The following SARS1 variants were observed in gnomAD, a reference collection of about 807,000 sequenced individuals.
The protein encoded by SARS1 is seryl-tRNA synthetase 1.
Under a neutral mutation model 63.7 loss-of-function variants are expected in SARS1, and 25 were observed. The ratio of observed to expected loss-of-function variants is 0.39; its 90% confidence interval spans 0.29 to 0.55. The LOEUF is 0.55. SARS1 is among the 20% of genes least tolerant of loss of function. SARS1 has a pLI of 0.62. For missense variants in SARS1, 417 were observed against 649.7 expected, an observed-to-expected ratio of 0.64 and a Z score of 3.89; for synonymous variants, 231 against 243.5, an observed-to-expected ratio of 0.95 and a Z score of 0.48.
In SARS1 at chr1:109,235,991, G is replaced by A. The variant is rs1180935746; in HGVS notation, c.984G>A (p.Val328=). ...CCTCTCTGCAGATTGAACAGTTTGTGTACTCATCACCCCATGACAACAAGT... is the reference window on the plus strand; with the variant it reads ...CCTCTCTGCAGATTGAACAGTTTGTATACTCATCACCCCATGACAACAAGT... ...VHQFEKIEQF[V]YSSPHDNKSW... Residue 328 remains valine (V), a synonymous_variant, in exon 8 of 11, where the codon GTG becomes GTA. Coordinates refer to ENST00000234677, the MANE Select transcript of SARS1 (RefSeq NM_006513.4). This position sits in a 1 kb window ranked among gnomAD's most constrained non-coding sequence, Gnocchi z 4.7. 6.2e-7 allele frequency: 1 copy of A among 1,611,020 alleles called. No individual in the cohort carries two copies. The highest frequency in any genetic ancestry group is 1.3e-5 in the African/African-American group (1 of 74,880).
Position 109,236,894 on chromosome 1 carries a change from T to C in SARS1, c.1257+346T>C, listed in dbSNP as rs759126238. On this transcript the variant is annotated intron_variant, in intron 9 of 10. Coordinates refer to ENST00000234677, the MANE Select transcript of SARS1 (RefSeq NM_006513.4). The stretch of plus-strand genomic sequence containing the variant: ...AGGTCTGGGTTGTAAGCTGCTCTCT[T>C]CAAACCCAATTTTCAGGCCCTACTC... 4.4e-6 allele frequency: 7 copies of C among 1,579,250 alleles called. No individual in the cohort carries two copies. The East Asian group carries it at 1.6e-4, about 36-fold the overall frequency.
intron 1 of SARS1, among the ~76,000 whole-genome samples, chr1:109,218,406 CTT>C (rs34756917): frequency 5.1e-5 from 6 of 118,660 alleles, no homozygotes; most frequent in Non-Finnish European, 6.6e-5. Context: ...AGATATTTTA[CTT>C]TTTTTTTTTT....
At position 109,223,941 on chromosome 1, in the gene SARS1, C is replaced by T. The variant is rs201306186; in HGVS notation, c.137-37C>T. ...GAGAAAGGAGTATCTTAATTATGGGCATTTCTTTGGTATAGTCTTGGATTC... is the reference window on the plus strand; with the variant it reads ...GAGAAAGGAGTATCTTAATTATGGGTATTTCTTTGGTATAGTCTTGGATTC... On this transcript the variant is annotated intron_variant, in intron 1 of 10. Transcript: ENST00000234677. 2.7e-3 allele frequency: 3,962 copies of T among 1,463,244 alleles called. 13 individuals are homozygous for T. Among genetic ancestry groups the T allele is most frequent in the Non-Finnish European group, 3.3e-3 (3,447 of 1,042,570 alleles). 90.6% of individuals were successfully genotyped at this position (1,463,244 alleles called of 1,614,324 possible).
chr1:109,230,864 C>G lies in SARS1; in HGVS notation c.448-14C>G. The G allele has an allele frequency of 6.3e-7, 1 of 1,593,390 alleles. No individual in the cohort carries two copies. Among genetic ancestry groups the G allele is most frequent in the Non-Finnish European group, 8.6e-7 (1 of 1,168,226 alleles). On this transcript the variant is annotated splice_polypyrimidine_tract_variant and intron_variant, in intron 4 of 10. Coordinates refer to ENST00000234677, the MANE Select transcript of SARS1 (RefSeq NM_006513.4). ...ATATGTCTTGTATGTCTCTTTCTTG[C>G]TCTGTTTCCTTAGGATGTGGACAAC...
chr1:109,228,211 A>G, intron 2 of SARS1, 141 bp from the exon 3 acceptor site: 1 of 627,834 alleles, frequency 1.6e-6, no homozygotes. Context: ...TTTTTTTCCT[A>G]CATGTTGTAT....
intron 2 of SARS1, among the ~76,000 whole-genome samples, chr1:109,227,397 G>A (rs1186463870): frequency 6.6e-6 from 1 of 152,136 alleles, no homozygotes; most frequent in South Asian, 2.1e-4. Flanking sequence ...ATTATCATAC[G>A]GAAGGATGAG....
At chr1:109,228,520 C>A (rs1655139723) in intron 3 of SARS1, 88 bp downstream of exon 3, 3 of 855,400 alleles carry the variant, frequency 3.5e-6, no homozygotes, top group Non-Finnish European at 1.9e-6. Context: ...CTCTGCTCCA[C>A]ACAGCATTGT....
chr1:109,220,011 TC>T lies in SARS1; in HGVS notation c.137-3966del, dbSNP rs1654895039. Among the ~76,000 whole-genome samples, 5 of 152,256 alleles carry T rather than the reference TC, an allele frequency of 3.3e-5. No individual in the cohort carries two copies. The East Asian group carries it at 7.7e-4, about 23-fold the overall frequency. On this transcript the variant is annotated intron_variant, in intron 1 of 10. Coordinates refer to ENST00000234677, the MANE Select transcript of SARS1 (RefSeq NM_006513.4). ...GCATTATGAATAAGCTTCTAGAGAC[TC>T]TTTTTTAAAAAATGTTTGATTGGCA...
At chr1:109,231,877 C>T (rs1389848693) in intron 6 of SARS1, 91 bp downstream of exon 6, 1 of 1,126,804 alleles carries the variant, frequency 8.9e-7, no homozygotes, top group Non-Finnish European at 1.2e-6. Context: ...ATAGGACTTT[C>T]TGCGATGATG....
At position 109,220,375 on chromosome 1, in the gene SARS1, G is replaced by T. The variant is rs543661893; in HGVS notation, c.137-3603G>T. Among the ~76,000 whole-genome samples the T allele has an allele frequency of 3.9e-5, 6 of 152,196 alleles. No homozygotes were observed. The South Asian group carries it at 1.2e-3, about 32-fold the overall frequency. ...TTCCAGTTGCTTGGCATTCTTGCCA[G>T]TACTTGACATTGGCAGTCCTTTTAA... is the stretch of plus-strand genomic sequence containing the variant. On this transcript the variant is annotated intron_variant, in intron 1 of 10. Coordinates refer to ENST00000234677, the MANE Select transcript of SARS1 (RefSeq NM_006513.4).
At chr1:109,218,634 C>T (rs1416239410) in intron 1 of SARS1, among the ~76,000 whole-genome samples, 1 of 152,146 alleles carries the variant, frequency 6.6e-6, no homozygotes, top group Non-Finnish European at 1.5e-5. Context: ...CCACTTCCCA[C>T]ATAGGGCCTC....
At position 109,235,659 on chromosome 1, in the gene SARS1, A is replaced by C. The variant is rs1389339364; in HGVS notation, c.969+228A>C. Among the ~76,000 whole-genome samples the C allele has an allele frequency of 6.6e-6, 1 of 152,154 alleles. No homozygotes were observed. The highest frequency in any genetic ancestry group is 1.9e-4 in the East Asian group (1 of 5,190). On this transcript the variant is annotated intron_variant, in intron 7 of 10. Transcript: ENST00000234677. This position sits in a 1 kb window ranked among gnomAD's most constrained non-coding sequence, Gnocchi z 4.7. ...CTGTGTAACATTGGGCATAATGCAT[A>C]AGCCCCCAGTGCTCCATTTCTGCCT...
At chr1:109,219,660 C>A (rs1227618698) in intron 1 of SARS1, among the ~76,000 whole-genome samples, 1 of 151,866 alleles carries the variant, frequency 6.6e-6, no homozygotes, top group Non-Finnish European at 1.5e-5. Context: ...TGACAGGCAC[C>A]CACCACCATG....
chr1:109,233,797 A>G (rs1028394274), intron 6 of SARS1, among the ~76,000 whole-genome samples: 1 of 150,718 alleles, frequency 6.6e-6, no homozygotes, highest in Non-Finnish European at 1.5e-5. Flanking sequence ...CCTGGGTTCA[A>G]GTGATTCTCA....
At chr1:109,224,099 G>T in intron 2 of SARS1, 51 bp downstream of exon 2, 3 of 1,338,208 alleles carry the variant, frequency 2.2e-6, no homozygotes, top group Non-Finnish European at 3.2e-6. Flanking sequence ...GGAGATATTT[G>T]ATCTTGCTCT....
chr1:109,236,977 T>C (rs1655324383), intron 9 of SARS1: 1 of 1,405,308 alleles, frequency 7.1e-7, no homozygotes, highest in Admixed American at 3.6e-5. Context: ...AGTAGTTTCT[T>C]CCTTCCCTCA....
chr1:109,217,524 G>A (rs1654819228), intron 1 of SARS1, among the ~76,000 whole-genome samples: 1 of 149,766 alleles, frequency 6.7e-6, no homozygotes, highest in Non-Finnish European at 1.5e-5. Flanking sequence ...ACCTAGTCTT[G>A]TATACCCAAA....
Position 109,213,986 on chromosome 1 carries a change from AAAG to A in SARS1, c.-2_1del. ...CTTCCCTGAGCGTTGGCCCGGGAGG[AAAG>A]AAGATGGTGCTGGATCTGGATTTGT... On this transcript the variant is annotated 5_prime_UTR_variant, in exon 1 of 11. Coordinates refer to ENST00000234677, the MANE Select transcript of SARS1 (RefSeq NM_006513.4). 2 of 1,607,216 alleles carry A rather than the reference AAAG, an allele frequency of 1.2e-6. No individual in the cohort carries two copies. Among genetic ancestry groups the A allele is most frequent in the Non-Finnish European group, 1.7e-6 (2 of 1,176,470 alleles).
At chr1:109,215,486 C>T (rs1654761850) in intron 1 of SARS1, 4 of 984,412 alleles carry the variant, frequency 4.1e-6, no homozygotes, top group Non-Finnish European at 4.8e-6. Context: ...TTTATTCATA[C>T]AGTATATATG....
Sources: allele counts gnomAD v4.1 joint callset (sites outside exome capture counted in the v4.1 genomes callset), GRCh38; gene constraint gnomAD v4.1.1; non-coding constraint Gnocchi (gnomAD v3.1); transcripts MANE v1.5; gene names NCBI Gene and HGNC (gene_info 2026-07-23, HGNC 2026-07-21).